Variants in LIG3 observed in about 807,000 individuals in gnomAD.
LIG3 encodes ligase II, DNA, ATP-dependent.
Under a neutral mutation model 110.9 loss-of-function variants are expected in LIG3, and 58 were observed. The ratio of observed to expected loss-of-function variants is 0.52; its 90% confidence interval spans 0.42 to 0.65. The LOEUF (loss-of-function observed/expected upper bound fraction) is 0.65. LIG3 is among the 30% of genes least tolerant of loss of function. LIG3 has a pLI of 0.00. For missense variants in LIG3, 1,094 were observed against 1,273.8 expected (o/e 0.86, Z 2.15); for synonymous variants, 422 against 472.8 (o/e 0.89, Z 1.39).
At chr17:35,001,849 C>T in intron 17 of LIG3, 60 bp from the exon 18 acceptor site, 1 of 1,495,504 alleles carries the variant, frequency 6.7e-7, no homozygotes, top group Non-Finnish European at 9.1e-7. Flanking sequence ...ACACACACCA[C>T]CTCTGAGGCC....
intron 19 of LIG3, chr17:35,003,395 A>C (rs1597804861): frequency 4.4e-6 from 1 of 225,286 alleles, no homozygotes. Context: ...GCTCACTGCA[A>C]CCTCCGCCTC....
Position 35,004,758 on chromosome 17 carries a change from G to A in LIG3, c.*252G>A. 2.1e-6 allele frequency: 1 copy of A among 480,890 alleles called. No individual in the cohort carries two copies. The highest frequency in any genetic ancestry group is 3.7e-6 in the Non-Finnish European group (1 of 271,010). 29.8% of individuals were successfully genotyped at this position (480,890 alleles called of 1,614,324 possible). A position where few individuals can be genotyped will look rare whatever the true frequency, so the allele number is the denominator to read the frequency against. Reference sequence around the variant, plus strand: ...GGTTTGCCATCTTTTTGTTTTCTTTGAAAAGCAGCTTAGTTACCCTTTTTA... The same window carrying A: ...GGTTTGCCATCTTTTTGTTTTCTTTAAAAAGCAGCTTAGTTACCCTTTTTA... On this transcript the variant is annotated 3_prime_UTR_variant, in exon 20 of 20. Coordinates refer to ENST00000378526, the MANE Select transcript of LIG3 (RefSeq NM_013975.4).
At position 34,991,729 on chromosome 17, in the gene LIG3, C is replaced by G. The variant is rs766091974; in HGVS notation, c.1100C>G (p.Ala367Gly). The part of the protein sequence containing the change: ...FFEQSKSFPP[A>G]AKSLLTIQEV... ...GAGCAGAGCAAGTCTTTCCCCCCAG[C>G]TGCCAAGAGCCTCCTTACCATCCAG... The change falls in exon 6 of 20, where the codon GCT becomes GGT. Residue 367 changes from alanine (A) to glycine (G), a missense_variant. Coordinates refer to ENST00000378526, the MANE Select transcript of LIG3 (RefSeq NM_013975.4). The G allele has an allele frequency of 2.5e-6, 4 of 1,613,954 alleles. No homozygotes were observed. The African/African-American group carries it at 5.3e-5, about 22-fold the overall frequency.
chr17:35,010,048 C>T (rs564972090), downstream of LIG3: 6 of 152,716 alleles, frequency 3.9e-5, no homozygotes, highest in South Asian at 1.2e-3. Flanking sequence ...CTTTGTATAA[C>T]ATTGAGGTAA....
chr17:34,998,441 T>C lies in LIG3; in HGVS notation c.1989+145T>C, dbSNP rs1367825163. The C allele has an allele frequency of 2.7e-6, 3 of 1,097,624 alleles. No homozygotes were observed. The African/African-American group carries it at 4.7e-5, about 17-fold the overall frequency. The allele number at this position is 1,097,624 out of a possible 1,614,324, so 68.0% of individuals were successfully genotyped here. On this transcript the variant is annotated intron_variant, in intron 13 of 19. Coordinates refer to ENST00000378526, the MANE Select transcript of LIG3 (RefSeq NM_013975.4). ...GAAGTGTGGGCAGATGTGTCCTGGA[T>C]CTGGAGGACTGCTTTGTGTGTCTCC...
At position 35,002,077 on chromosome 17, in the gene LIG3, A is replaced by C. The variant is rs2090848833; in HGVS notation, c.2647A>C (p.Lys883Gln). 3 of 1,593,032 alleles carry C rather than the reference A, an allele frequency of 1.9e-6. No individual in the cohort carries two copies. In the East Asian group the frequency reaches 6.7e-5, roughly 36 times the overall value. ...PSASTKKAEG[K>Q]LSNSNSKDGN... ...AGCCAGTACCAAGAAAGCAGAAGGG[A>C]AGCTGAGTAACTCCAACAGCAAAGA... Residue 883 changes from lysine to glutamine, a missense_variant, in exon 18 of 20, where the codon AAG becomes CAG. By Grantham distance (53) the Lys-to-Gln change is moderately conservative. Coordinates refer to ENST00000378526, the MANE Select transcript of LIG3 (RefSeq NM_013975.4).
chr17:34,995,293 T>C (rs2090766759), intron 9 of LIG3, among the ~76,000 whole-genome samples: 1 of 152,218 alleles, frequency 6.6e-6, no homozygotes, highest in Non-Finnish European at 1.5e-5. Flanking sequence ...GGCCTCATTG[T>C]GGAGCTTTAA....
At chr17:34,997,717 C>T in intron 11 of LIG3, 21 bp from the exon 12 acceptor site, 1 of 1,592,690 alleles carries the variant, frequency 6.3e-7, no homozygotes, top group Non-Finnish European at 8.6e-7. Flanking sequence ...GGCCTAACCT[C>T]AGCTCTCCTG....
At chr17:34,981,632 G>C (rs1396787433) in intron 1 of LIG3, 1 of 152,236 alleles carries the variant, frequency 6.6e-6, no homozygotes, top group African/African-American at 2.4e-5. Context: ...CGAGGTAACA[G>C]TCAGTAAACT....
At position 34,985,988 on chromosome 17, in the gene LIG3, A is replaced by T; in HGVS notation, c.548A>T (p.Asp183Val). 1 of 1,613,884 alleles carries T rather than the reference A, an allele frequency of 6.2e-7. No individual in the cohort carries two copies. Among genetic ancestry groups the T allele is most frequent in the Non-Finnish European group, 8.5e-7 (1 of 1,179,854 alleles). The change falls in exon 3 of 20, where the codon GAT becomes GTT. Residue 183 changes from aspartate (D) to valine (V), a missense_variant and splice_region_variant. Coordinates refer to ENST00000378526, the MANE Select transcript of LIG3 (RefSeq NM_013975.4). ...TTTATACTCTTTTGGGATCCTACAGATCTGTCTTCTAAGGCAGCAGGTACA... is the reference window on the plus strand; with the variant it reads ...TTTATACTCTTTTGGGATCCTACAGTTCTGTCTTCTAAGGCAGCAGGTACA... ...EKEQITQHIA[D>V]LSSKAAGTPK...
chr17:35,009,607 T>C lies in LIG3; in HGVS notation c.*5101T>C, dbSNP rs1345677316. On this transcript the variant is annotated 3_prime_UTR_variant, in exon 20 of 20. Transcript: ENST00000378526. ...GATGCAAAAAAAAAAAAAATCAGGG[T>C]TGTTTGACACCTTTTTTCCTAAAGG... The C allele has an allele frequency of 6.7e-6, 1 of 149,708 alleles. No individual in the cohort carries two copies. The highest frequency in any genetic ancestry group is 1.5e-5 in the Non-Finnish European group (1 of 67,618). 9.3% of individuals were successfully genotyped at this position (149,708 alleles called of 1,614,324 possible).
At chr17:34,999,743 G>T in intron 15 of LIG3, 39 bp from the exon 16 acceptor site, 1 of 1,546,424 alleles carries the variant, frequency 6.5e-7, no homozygotes, top group Non-Finnish European at 8.9e-7. Context: ...CCTTGTTCCA[G>T]GTTGGGAACA....
chr17:35,006,904 G>A lies in LIG3; in HGVS notation c.*2398G>A, dbSNP rs1195455174. ...GGGAGTAGGGACAGCACGGGGGAGG[G>A]GTTTACTTTCCTGACTCTAGCCCAG... is the stretch of plus-strand genomic sequence containing the variant. On this transcript the variant is annotated 3_prime_UTR_variant, in exon 20 of 20. Transcript: ENST00000378526. 66 of 152,396 alleles carry A rather than the reference G, an allele frequency of 4.3e-4. No homozygotes were observed. 9.4% of individuals were successfully genotyped at this position (152,396 alleles called of 1,614,324 possible). A position where few individuals can be genotyped will look rare whatever the true frequency, so the allele number is the denominator to read the frequency against.
At chr17:34,983,885 C>A (rs968717330) in intron 2 of LIG3, among the ~76,000 whole-genome samples, 2 of 152,200 alleles carry the variant, frequency 1.3e-5, no homozygotes, top group Non-Finnish European at 2.9e-5. Flanking sequence ...ATTCCTTTTA[C>A]CCATATTTAC....
Position 34,999,841 on chromosome 17 carries a change from C to T in LIG3, c.2316C>T (p.Ile772=), listed in dbSNP as rs775019742. 2.0e-5 allele frequency: 32 copies of T among 1,613,816 alleles called. No individual in the cohort carries two copies. The Admixed American group carries it at 4.7e-4, about 24-fold the overall frequency. ...ACAAGATCTACTATCCTGACTTCATCGTCCCAGACCCAAAGGTATCAACCC... is the reference window on the plus strand; with the variant it reads ...ACAAGATCTACTATCCTGACTTCATTGTCCCAGACCCAAAGGTATCAACCC... The part of the protein sequence containing the change: ...KVNKIYYPDF[I]VPDPKKAAVW... The change falls in exon 16 of 20, where the codon ATC becomes ATT. Residue 772 remains isoleucine, a synonymous_variant. Coordinates refer to ENST00000378526, the MANE Select transcript of LIG3 (RefSeq NM_013975.4).
chr17:34,996,517 A>G, intron 10 of LIG3, 57 bp from the exon 11 acceptor site: 1 of 1,412,948 alleles, frequency 7.1e-7, no homozygotes, highest in South Asian at 1.1e-5. Context: ...GGTACTCCTT[A>G]TTTTTTCACA....
Position 34,982,985 on chromosome 17 carries a change from C to A in LIG3, c.-4-17C>A. 2.1e-6 allele frequency: 3 copies of A among 1,452,500 alleles called. No individual in the cohort carries two copies. The highest frequency in any genetic ancestry group is 2.7e-6 in the Non-Finnish European group (3 of 1,096,840). 90.0% of individuals were successfully genotyped at this position (1,452,500 alleles called of 1,614,324 possible). A position where few individuals can be genotyped will look rare whatever the true frequency, so the allele number is the denominator to read the frequency against. ...TATCTTTTTTTTTTTTTTTTGGCCT[C>A]CTACTCTTTCGTACAGCTATATGTC... On this transcript the variant is annotated splice_polypyrimidine_tract_variant and intron_variant, in intron 1 of 19. Transcript: ENST00000378526.
chr17:35,004,040 T>C, intron 19 of LIG3: 1 of 530,134 alleles, frequency 1.9e-6, no homozygotes, highest in South Asian at 2.1e-5. Context: ...AGGTCCCAGA[T>C]GTCGAGGCCT....
chr17:35,010,044 A>G (rs377397447), downstream of LIG3: 2 of 152,680 alleles, frequency 1.3e-5, no homozygotes, highest in Admixed American at 1.3e-4. Flanking sequence ...AGGACTTTGT[A>G]TAACATTGAG....
Sources: gnomAD v4.1 joint callset for allele counts (sites outside exome capture counted in the v4.1 genomes callset) on GRCh38, gnomAD v4.1.1 for gene constraint, MANE v1.5 for transcripts, NCBI Gene and HGNC (gene_info 2026-07-23, HGNC 2026-07-21) for gene names.